SDK1: variants seen among roughly 807,000 people sequenced by gnomAD.
The protein encoded by SDK1 is protein sidekick-1.
SDK1 carries 157 observed loss-of-function variants against 245.5 expected under a neutral mutation model. The ratio of observed to expected loss-of-function variants is 0.64; its 90% CI spans 0.56 to 0.73. The LOEUF (loss-of-function observed/expected upper bound fraction) is 0.73. SDK1 is among the 30% of genes least tolerant of loss of function. The probability of loss-of-function intolerance (pLI) is 0.00; values close to 1 mark genes in which losing one functional copy is unlikely to be tolerated. For synonymous variants in SDK1, 1,647 were observed against 1,278.5 expected, an observed-to-expected ratio of 1.29 and a Z score of -6.15; for missense variants, 3,583 against 3,002.3, an observed-to-expected ratio of 1.19 and a Z score of -4.52.
chr7:3,650,452 GC>G (rs1227451299), intron 4 of SDK1, among the ~76,000 whole-genome samples: 1 of 152,096 alleles, frequency 6.6e-6, no homozygotes, highest in Admixed American at 6.5e-5. Context: ...GAATCATATG[GC>G]ATTTATCCTT....
At chr7:3,353,770 A>G (rs1780721005) in intron 1 of SDK1, among the ~76,000 whole-genome samples, 1 of 151,964 alleles carries the variant, frequency 6.6e-6, no homozygotes, top group Non-Finnish European at 1.5e-5. Flanking sequence ...TTTGCTGGTG[A>G]AGGAACATTA....
At chr7:3,592,693 G>C (rs546389077) in intron 1 of SDK1, among the ~76,000 whole-genome samples, 41 of 152,294 alleles carry the variant, frequency 2.7e-4, no homozygotes, top group Admixed American at 2.1e-3. Context: ...CTGATGAAGC[G>C]TGGGGACTCG....
intron 5 of SDK1, among the ~76,000 whole-genome samples, chr7:3,942,510 A>G (rs879673272): frequency 1.3e-5 from 2 of 152,250 alleles, no homozygotes; most frequent in Non-Finnish European, 2.9e-5. Flanking sequence ...GATGTTGGAA[A>G]AAGATTTAAA....
At chr7:3,939,893 A>G (rs1780292635) in intron 5 of SDK1, among the ~76,000 whole-genome samples, 1 of 152,204 alleles carries the variant, frequency 6.6e-6, no homozygotes, top group South Asian at 2.1e-4. Context: ...CCCAAAGGCA[A>G]TTAATAAGCA....
At chr7:3,805,995 T>C (rs78438985) in intron 4 of SDK1, among the ~76,000 whole-genome samples, 2,525 of 152,236 alleles carry the variant, frequency 0.017, 77 homozygotes, top group African/African-American at 0.057. Flanking sequence ...TTTCAAGGTG[T>C]TCCTCCTCCT....
At chr7:3,544,557 A>C (rs1396040443) in intron 1 of SDK1, among the ~76,000 whole-genome samples, 1 of 152,254 alleles carries the variant, frequency 6.6e-6, no homozygotes, top group East Asian at 1.9e-4. Context: ...AGTAGCGTTT[A>C]GATTTTAAAA....
At chr7:4,031,019 A>G (rs1358388135) in intron 17 of SDK1, among the ~76,000 whole-genome samples, 1 of 152,208 alleles carries the variant, frequency 6.6e-6, no homozygotes, top group Non-Finnish European at 1.5e-5. Context: ...ACACATTCAC[A>G]TACATGCGCA....
At chr7:3,937,722 G>A (rs753253771) in intron 5 of SDK1, among the ~76,000 whole-genome samples, 23 of 152,232 alleles carry the variant, frequency 1.5e-4, no homozygotes, top group Non-Finnish European at 2.5e-4. Flanking sequence ...GCCCCTGCCC[G>A]CGCGTCCTGC....
At chr7:4,007,212 G>C (rs995339888) in intron 14 of SDK1, among the ~76,000 whole-genome samples, 12 of 152,328 alleles carry the variant, frequency 7.9e-5, no homozygotes, top group Admixed American at 2.6e-4. Context: ...GGGAATGTTT[G>C]CAGAGGTGCG....
rs561019453 is a variant in SDK1 at position 3,645,853 on chromosome 7, A to G, written c.713+3748A>G. Among the ~76,000 whole-genome samples, 6 of 148,618 alleles carry G rather than the reference A, an allele frequency of 4.0e-5. No homozygotes were observed. The South Asian group carries it at 1.3e-3, about 32-fold the overall frequency. On this transcript the variant is annotated intron_variant, in intron 4 of 44. Coordinates refer to ENST00000404826, the MANE Select transcript of SDK1 (RefSeq NM_152744.4). ...AAATGCAGGTGAAGTTTCTGCACCT[A>G]TTTTTTTTTTATTTTTATTTTTTGA...
chr7:3,746,318 C>G (rs1779619608), intron 4 of SDK1, among the ~76,000 whole-genome samples: 1 of 152,194 alleles, frequency 6.6e-6, no homozygotes, highest in African/African-American at 2.4e-5. Flanking sequence ...GGTACAGGGT[C>G]TTACCTCATT....
chr7:3,992,174 T>C (rs1165137577), intron 14 of SDK1, among the ~76,000 whole-genome samples: 1 of 152,204 alleles, frequency 6.6e-6, no homozygotes, highest in Admixed American at 6.5e-5. Context: ...AGGCAGGCAC[T>C]TGATAGCCTC....
intron 5 of SDK1, among the ~76,000 whole-genome samples, chr7:3,822,979 A>G (rs1779683525): frequency 6.6e-6 from 1 of 151,960 alleles, no homozygotes; most frequent in African/African-American, 2.4e-5. Flanking sequence ...ATGTGCTGTC[A>G]TCCTGCCTTG....
chr7:4,201,757 C>T (rs929240487), intron 35 of SDK1, among the ~76,000 whole-genome samples: 2 of 151,998 alleles, frequency 1.3e-5, no homozygotes, highest in Non-Finnish European at 2.9e-5. Context: ...ACTGGCATGG[C>T]ACAGGGTGGC....
At chr7:4,145,338 C>T (rs1002279355) in intron 28 of SDK1, among the ~76,000 whole-genome samples, 1 of 152,140 alleles carries the variant, frequency 6.6e-6, no homozygotes, top group Non-Finnish European at 1.5e-5. Context: ...TAAACGACTT[C>T]CTAAGAGAGC....
At chr7:4,252,422 G>GTATA (rs754265157) in intron 44 of SDK1, among the ~76,000 whole-genome samples, 13 of 152,156 alleles carry the variant, frequency 8.5e-5, no homozygotes, top group African/African-American at 1.4e-4. Context: ...ATTCCATGGT[G>GTATA]TATATGTGCC....
chr7:3,342,910 A>T (rs77332539), intron 1 of SDK1, among the ~76,000 whole-genome samples: 1 of 152,172 alleles, frequency 6.6e-6, no homozygotes, highest in Non-Finnish European at 1.5e-5. Context: ...TTAAGTGGCA[A>T]ATAATCACAG....
chr7:4,126,053 G>T (rs980303734), intron 25 of SDK1, among the ~76,000 whole-genome samples: 5 of 152,196 alleles, frequency 3.3e-5, no homozygotes, highest in African/African-American at 1.2e-4. Flanking sequence ...TTCATCTGCA[G>T]AGTGAACCCC....
chr7:4,222,525 C>A (rs1226543160), intron 40 of SDK1, among the ~76,000 whole-genome samples: 2 of 152,112 alleles, frequency 1.3e-5, no homozygotes, highest in African/African-American at 2.4e-5. Flanking sequence ...AAACTCCTGA[C>A]CTCAAGTGAT....
Sources: allele counts gnomAD v4.1 joint callset (sites outside exome capture counted in the v4.1 genomes callset), GRCh38; gene constraint gnomAD v4.1.1; transcripts MANE v1.5; gene names NCBI Gene and HGNC (gene_info 2026-07-23, HGNC 2026-07-21).